NRG3: variants seen among roughly 807,000 people sequenced by gnomAD.
The protein encoded by NRG3 is neuregulin 3.
A neutral mutation model predicts 66.9 loss-of-function variants in NRG3; 31 were observed. The observed-to-expected ratio is 0.46, with a 90% CI of 0.35 to 0.63. The LOEUF is 0.63. Ranked by LOEUF, NRG3 falls within the 20% of genes least tolerant of loss-of-function variation. The pLI is 0.00. For missense variants in NRG3, 910 were observed against 878.9 expected, an observed-to-expected ratio of 1.04 and a Z score of -0.45; for synonymous variants, 393 against 359.4, an observed-to-expected ratio of 1.09 and a Z score of -1.06.
intron 2 of NRG3, among the ~76,000 whole-genome samples, chr10:82,527,682 C>T (rs1054101803): frequency 6.6e-6 from 1 of 152,210 alleles, no homozygotes; most frequent in Non-Finnish European, 1.5e-5. Flanking sequence ...TGTTTATCTT[C>T]TCTAACCCTT....
At chr10:82,967,218 T>C (rs1302781531) in intron 6 of NRG3, among the ~76,000 whole-genome samples, 1 of 150,394 alleles carries the variant, frequency 6.6e-6, no homozygotes, top group African/African-American at 2.4e-5. Flanking sequence ...AATACATATA[T>C]TAAAAGATAT....
chr10:82,226,242 C>T (rs1476973953), intron 1 of NRG3, among the ~76,000 whole-genome samples: 4 of 152,148 alleles, frequency 2.6e-5, no homozygotes, highest in Admixed American at 6.6e-5. Context: ...CAGTTTTCCT[C>T]ACCAGGGATG....
At chr10:82,520,220 A>G (rs954255983) in intron 2 of NRG3, among the ~76,000 whole-genome samples, 1 of 150,566 alleles carries the variant, frequency 6.6e-6, no homozygotes, top group Admixed American at 6.7e-5. Context: ...GTATGGAATA[A>G]GATGATTTTC....
intron 2 of NRG3, among the ~76,000 whole-genome samples, chr10:82,472,926 C>G (rs557622406): frequency 4.2e-4 from 64 of 152,342 alleles, no homozygotes; most frequent in African/African-American, 1.5e-3. Context: ...TAAATACCCA[C>G]TCTTCACTAA....
chr10:82,270,640 C>T (rs778056997), intron 1 of NRG3, among the ~76,000 whole-genome samples: 6 of 152,010 alleles, frequency 3.9e-5, no homozygotes, highest in South Asian at 2.1e-4. Context: ...TTTGCCCTTC[C>T]GAAGGTATAG....
At chr10:82,204,007 C>A (rs1474384422) in intron 1 of NRG3, among the ~76,000 whole-genome samples, 1 of 152,092 alleles carries the variant, frequency 6.6e-6, no homozygotes, top group African/African-American at 2.4e-5. Context: ...TAAAATGCAT[C>A]AAGAGTATAG....
intron 3 of NRG3, among the ~76,000 whole-genome samples, chr10:82,761,938 TTCTTTC>T (rs1476934182): frequency 7.3e-6 from 1 of 137,604 alleles, no homozygotes; most frequent in African/African-American, 2.7e-5. Flanking sequence ...CTTTCTTTCT[TTCTTTC>T]TTTCTTTCTT....
intron 3 of NRG3, among the ~76,000 whole-genome samples, chr10:82,769,387 A>G (rs1357760376): frequency 6.6e-6 from 1 of 152,104 alleles, no homozygotes; most frequent in Non-Finnish European, 1.5e-5. Context: ...CATTTACCTT[A>G]AATTGAAAAT....
At chr10:82,162,136 A>G (rs1271785112) in intron 1 of NRG3, among the ~76,000 whole-genome samples, 1 of 152,126 alleles carries the variant, frequency 6.6e-6, no homozygotes, top group Non-Finnish European at 1.5e-5. Flanking sequence ...GTTTTCATGG[A>G]TCAATTCTCA....
At chr10:82,858,950 T>A (rs1016100695) in intron 3 of NRG3, among the ~76,000 whole-genome samples, 1 of 148,396 alleles carries the variant, frequency 6.7e-6, no homozygotes, top group Non-Finnish European at 1.5e-5. Context: ...AACTTTTTTT[T>A]TTTTTTTTTT....
intron 1 of NRG3, among the ~76,000 whole-genome samples, chr10:81,883,921 G>A (rs1410208451): frequency 1.3e-5 from 2 of 152,120 alleles, no homozygotes; most frequent in East Asian, 1.9e-4. Context: ...TAATAAAAAC[G>A]ACAGCTGCCA....
chr10:82,061,645 A>C (rs376476437), intron 1 of NRG3, among the ~76,000 whole-genome samples: 1 of 152,168 alleles, frequency 6.6e-6, no homozygotes, highest in East Asian at 1.9e-4. Flanking sequence ...ATGTGTTTGT[A>C]GAGTGAGCTC....
chr10:82,819,908 T>C (rs527994350), intron 3 of NRG3, among the ~76,000 whole-genome samples: 6 of 152,232 alleles, frequency 3.9e-5, no homozygotes, highest in African/African-American at 1.4e-4. Context: ...GCATCCTCCA[T>C]GGATGTGAAG....
intron 2 of NRG3, among the ~76,000 whole-genome samples, chr10:82,615,598 A>G (rs1365444325): frequency 6.6e-6 from 1 of 152,206 alleles, no homozygotes; most frequent in Non-Finnish European, 1.5e-5. Context: ...GCAAATGTTA[A>G]AATCATTTTA....
intron 1 of NRG3, among the ~76,000 whole-genome samples, chr10:82,059,110 G>C (rs776892610): frequency 6.6e-6 from 1 of 151,780 alleles, no homozygotes; most frequent in African/African-American, 2.4e-5. Flanking sequence ...GAATGAAGCC[G>C]GACAGGAACA....
chr10:82,471,086 G>A (rs1841208908), intron 2 of NRG3, among the ~76,000 whole-genome samples: 1 of 152,076 alleles, frequency 6.6e-6, no homozygotes, highest in South Asian at 2.1e-4. Flanking sequence ...GCTAAAAACG[G>A]GATCCTTGTC....
At chr10:82,081,259 G>A (rs946252412) in intron 1 of NRG3, among the ~76,000 whole-genome samples, 1 of 152,174 alleles carries the variant, frequency 6.6e-6, no homozygotes, top group African/African-American at 2.4e-5. Flanking sequence ...GAGTAGAGAA[G>A]AATGGAGAGA....
chr10:81,885,184 C>G (rs1842522548), intron 1 of NRG3, among the ~76,000 whole-genome samples: 1 of 152,128 alleles, frequency 6.6e-6, no homozygotes, highest in Admixed American at 6.6e-5. Flanking sequence ...AGACTTTATT[C>G]CTCTGCTTCC....
intron 1 of NRG3, among the ~76,000 whole-genome samples, chr10:82,095,079 C>T (rs2066254772): frequency 1.3e-5 from 2 of 151,940 alleles, no homozygotes; most frequent in Admixed American, 6.6e-5. Flanking sequence ...GGCTCCTTTT[C>T]CTGGAAGCTT....
Sources: allele counts gnomAD v4.1 joint callset (sites outside exome capture counted in the v4.1 genomes callset), GRCh38; gene constraint gnomAD v4.1.1; transcripts MANE v1.5; gene names NCBI Gene and HGNC (gene_info 2026-07-23, HGNC 2026-07-21).